The following TMTC2 variants were observed in gnomAD, a reference collection of about 807,000 sequenced individuals.
The protein encoded by TMTC2 is protein O-mannosyl-transferase TMTC2.
In TMTC2, 43 loss-of-function variants were observed where a neutral mutation model predicts 82.4. The observed-to-expected ratio is 0.52, with a 90% CI of 0.41 to 0.67. TMTC2 has a LOEUF of 0.67. TMTC2 is among the 30% of genes least tolerant of loss of function. The pLI is 0.00. For missense variants in TMTC2, 919 were observed against 1,012.4 expected (o/e 0.91, Z 1.25); for synonymous variants, 408 against 381.9 (o/e 1.07, Z -0.80).
At chr12:82,762,743 T>TA (rs1876721084) in intron 1 of TMTC2, among the ~76,000 whole-genome samples, 1 of 152,032 alleles carries the variant, frequency 6.6e-6, no homozygotes, top group Non-Finnish European at 1.5e-5. Flanking sequence ...ATTGAGTAAA[T>TA]ACTGTGAATT....
chr12:82,845,855 C>T (rs1242026871), intron 1 of TMTC2, among the ~76,000 whole-genome samples: 1 of 150,982 alleles, frequency 6.6e-6, no homozygotes, highest in African/African-American at 2.4e-5. Flanking sequence ...TTAAAAACAT[C>T]TCTAGGTAAC....
intron 3 of TMTC2, among the ~76,000 whole-genome samples, chr12:82,898,842 G>C (rs1357553757): frequency 6.6e-6 from 1 of 152,192 alleles, no homozygotes; most frequent in Non-Finnish European, 1.5e-5. Context: ...CAAGTACCCA[G>C]CCAAATTTTA....
intron 11 of TMTC2, among the ~76,000 whole-genome samples, chr12:83,109,311 C>T (rs1884521995): frequency 6.6e-6 from 1 of 152,138 alleles, no homozygotes; most frequent in Non-Finnish European, 1.5e-5. Context: ...TTCACAAGAA[C>T]ACACTCACTA....
chr12:82,956,012 G>T (rs796416411), intron 4 of TMTC2, among the ~76,000 whole-genome samples: 1 of 151,798 alleles, frequency 6.6e-6, no homozygotes. Context: ...AGGCAACTCC[G>T]TATGATATGG....
At chr12:82,926,940 C>A (rs933504977) in intron 3 of TMTC2, among the ~76,000 whole-genome samples, 10 of 152,174 alleles carry the variant, frequency 6.6e-5, no homozygotes, top group African/African-American at 2.4e-4. Context: ...ATTGCCAGTG[C>A]ACCTCGTCAC....
chr12:82,911,964 A>T (rs1002790532), intron 3 of TMTC2, among the ~76,000 whole-genome samples: 1 of 152,170 alleles, frequency 6.6e-6, no homozygotes, highest in African/African-American at 2.4e-5. Flanking sequence ...CAACAAAAAC[A>T]TCATCTTGAG....
chr12:83,059,185 C>A (rs1882650658), intron 10 of TMTC2, among the ~76,000 whole-genome samples: 1 of 151,778 alleles, frequency 6.6e-6, no homozygotes, highest in Admixed American at 6.6e-5. Context: ...TTAGTAGAAT[C>A]TCTAAGCAAC....
At chr12:82,980,712 A>C (rs372886213) in intron 7 of TMTC2, among the ~76,000 whole-genome samples, 2 of 151,786 alleles carry the variant, frequency 1.3e-5, no homozygotes, top group African/African-American at 4.8e-5. Context: ...AAACGTGTAT[A>C]ATTTTTTGAG....
intron 3 of TMTC2, among the ~76,000 whole-genome samples, chr12:82,913,170 T>A (rs1483346367): frequency 6.6e-6 from 1 of 152,212 alleles, no homozygotes; most frequent in African/African-American, 2.4e-5. Context: ...TACAGAATTT[T>A]AAAATTTCTT....
intron 1 of TMTC2, among the ~76,000 whole-genome samples, chr12:82,805,759 C>A (rs1879217091): frequency 6.6e-6 from 1 of 152,030 alleles, no homozygotes; most frequent in African/African-American, 2.4e-5. Flanking sequence ...CCCACCTCAA[C>A]CTCCCAAAGT....
intron 8 of TMTC2, among the ~76,000 whole-genome samples, chr12:83,012,966 T>C (rs1592693880): frequency 6.6e-6 from 1 of 152,174 alleles, no homozygotes; most frequent in African/African-American, 2.4e-5. Flanking sequence ...TGGAGATTAA[T>C]GTGAAATATT....
chr12:83,030,161 G>A (rs1881365856), intron 8 of TMTC2, among the ~76,000 whole-genome samples: 1 of 152,110 alleles, frequency 6.6e-6, no homozygotes, highest in Non-Finnish European at 1.5e-5. Flanking sequence ...GCAAAGGATG[G>A]CTGTCTCATT....
At chr12:83,061,240 G>A (rs1182170018) in intron 10 of TMTC2, among the ~76,000 whole-genome samples, 1 of 151,768 alleles carries the variant, frequency 6.6e-6, no homozygotes, top group Non-Finnish European at 1.5e-5. Flanking sequence ...CAAAGTCCAA[G>A]GGGACACATA....
intron 1 of TMTC2, among the ~76,000 whole-genome samples, chr12:82,763,460 G>T (rs1470709312): frequency 6.6e-6 from 1 of 152,202 alleles, no homozygotes; most frequent in African/African-American, 2.4e-5. Context: ...TGATTGTGAT[G>T]CCTACAGCCT....
intron 9 of TMTC2, among the ~76,000 whole-genome samples, chr12:83,033,641 C>T: frequency 6.6e-6 from 1 of 151,916 alleles, no homozygotes; most frequent in Non-Finnish European, 1.5e-5. Flanking sequence ...ATCCCAGCTA[C>T]TCAGGAGGCT....
chr12:83,045,205 G>T (rs184845933), intron 9 of TMTC2, among the ~76,000 whole-genome samples: 1 of 152,114 alleles, frequency 6.6e-6, no homozygotes, highest in Non-Finnish European at 1.5e-5. Context: ...GATCTCTAGA[G>T]AATGCTTCCT....
chr12:83,064,592 A>G (rs1371294773), intron 11 of TMTC2, among the ~76,000 whole-genome samples: 2 of 151,952 alleles, frequency 1.3e-5, no homozygotes, highest in Non-Finnish European at 2.9e-5. Flanking sequence ...GTAAAACACC[A>G]CAGCACAGAG....
intron 1 of TMTC2, among the ~76,000 whole-genome samples, chr12:82,811,807 CTTTTTTTTTTTTT>C (rs1171596880): frequency 1.2e-4 from 11 of 91,098 alleles, no homozygotes; most frequent in East Asian, 7.2e-4. Context: ...TGCTCTCCTT[CTTTTTTTTTTTTT>C]TTTTTTTTTT....
chr12:82,719,508 G>A (rs550337907), intron 1 of TMTC2, among the ~76,000 whole-genome samples: 15 of 152,256 alleles, frequency 9.9e-5, no homozygotes, highest in African/African-American at 1.7e-4. Context: ...TTTGCAGATG[G>A]TAGACTCTTG....
Sources: allele counts gnomAD v4.1 joint callset (sites outside exome capture counted in the v4.1 genomes callset), GRCh38; gene constraint gnomAD v4.1.1; transcripts MANE v1.5; gene names NCBI Gene and HGNC (gene_info 2026-07-23, HGNC 2026-07-21).